The following SND1 variants were observed in gnomAD, a reference collection of about 807,000 sequenced individuals.
SND1 encodes staphylococcal nuclease domain-containing protein 1.
SND1 carries 38 observed loss-of-function variants against 121.7 expected under a neutral mutation model. That is an observed-to-expected ratio of 0.31 (90% CI 0.24 to 0.41). The LOEUF (loss-of-function observed/expected upper bound fraction) is 0.41. Among genes scored for constraint, SND1 ranks in the 10% least tolerant of loss-of-function variants. The probability of loss-of-function intolerance (pLI) is 1.00; values close to 1 mark genes in which losing one functional copy is unlikely to be tolerated. For missense variants in SND1, 868 were observed against 1,184.6 expected (o/e 0.73, Z 3.92); for synonymous variants, 401 against 447.4 (o/e 0.90, Z 1.31).
chr7:127,778,303 C>G (rs1797657239), intron 10 of SND1, among the ~76,000 whole-genome samples: 1 of 152,008 alleles, frequency 6.6e-6, no homozygotes, highest in Non-Finnish European at 1.5e-5. Context: ...CAAGCAATTC[C>G]CTGGCCTCAG....
At chr7:127,755,239 G>A (rs1215286609) in intron 10 of SND1, among the ~76,000 whole-genome samples, 1 of 152,214 alleles carries the variant, frequency 6.6e-6, no homozygotes, top group East Asian at 1.9e-4. Flanking sequence ...CCCAGGAGGA[G>A]AGTGACATCT....
intron 5 of SND1, among the ~76,000 whole-genome samples, chr7:127,702,218 CAG>C (rs2116340853): frequency 6.6e-6 from 1 of 152,298 alleles, no homozygotes; most frequent in East Asian, 1.9e-4. Context: ...GTTCAGAAGA[CAG>C]AGAAGCAGGT....
chr7:128,090,745 T>A (rs1252988248), intron 22 of SND1, among the ~76,000 whole-genome samples: 1 of 152,166 alleles, frequency 6.6e-6, no homozygotes, highest in African/African-American at 2.4e-5. Flanking sequence ...TCGGTGGCTG[T>A]GCAGGCTGAC....
intron 10 of SND1, among the ~76,000 whole-genome samples, chr7:127,770,311 A>T (rs1263073263): frequency 3.3e-5 from 5 of 152,270 alleles, no homozygotes; most frequent in African/African-American, 1.2e-4. Flanking sequence ...AATGTTTTGT[A>T]GAATAAAAGT....
chr7:127,737,546 G>A (rs892992844), intron 10 of SND1, among the ~76,000 whole-genome samples: 1 of 152,228 alleles, frequency 6.6e-6, no homozygotes, highest in Non-Finnish European at 1.5e-5. Context: ...TTGCACTCCA[G>A]CCTGGGCGAT....
At chr7:127,999,296 C>T (rs948491135) in intron 16 of SND1, 1 of 151,924 alleles carries the variant, frequency 6.6e-6, no homozygotes, top group Non-Finnish European at 1.5e-5. Context: ...TTCCCTTCCC[C>T]TAGGGAATGT....
intron 16 of SND1, among the ~76,000 whole-genome samples, chr7:128,033,472 G>A (rs1289532635): frequency 6.6e-6 from 1 of 152,130 alleles, no homozygotes; most frequent in Non-Finnish European, 1.5e-5. Context: ...ACCTGCGCGT[G>A]GGCTGTTGCT....
chr7:127,945,423 G>A (rs1004380632), intron 15 of SND1, among the ~76,000 whole-genome samples: 6 of 152,098 alleles, frequency 3.9e-5, no homozygotes, highest in East Asian at 1.9e-4. Context: ...CCCAGGAGGC[G>A]GAGCTTGCAG....
Position 127,652,272 on chromosome 7 carries a change from C to T in SND1, c.-102C>T. 1.0e-6 allele frequency: 1 copy of T among 983,628 alleles called. No homozygotes were observed. Among genetic ancestry groups the T allele is most frequent in the Non-Finnish European group, 1.6e-6 (1 of 629,672 alleles). The allele number at this position is 983,628 out of a possible 1,614,324, so 60.9% of individuals were successfully genotyped here. ...CCGTCCACCGTCCGCAGCTGGTAGC[C>T]AGCCTGCCCCTCGCCTCGACTCCCT... is the stretch of plus-strand genomic sequence containing the variant. On this transcript the variant is annotated 5_prime_UTR_variant, in exon 1 of 24. Coordinates refer to ENST00000354725, the MANE Select transcript of SND1 (RefSeq NM_014390.4).
At chr7:127,823,180 A>G (rs894384414) in intron 11 of SND1, among the ~76,000 whole-genome samples, 41 of 152,180 alleles carry the variant, frequency 2.7e-4, no homozygotes, top group Admixed American at 2.6e-3. Context: ...GTGAGTTCTT[A>G]AGAGGAAGAA....
At chr7:127,710,124 G>A (rs1363476393) in intron 9 of SND1, among the ~76,000 whole-genome samples, 6 of 151,802 alleles carry the variant, frequency 4.0e-5, no homozygotes, top group South Asian at 2.1e-4. Flanking sequence ...TGGATTTTGC[G>A]TTAATAAAAA....
rs568212619 is a variant in SND1 at position 127,841,634 on chromosome 7, T to G, written c.1243-2690T>G. ...TTAGCATCAAGACCACTTCTTCCCT[T>G]CCCTGGTTCTGAGTTACTCAGGCCT... is the stretch of plus-strand genomic sequence containing the variant. On this transcript the variant is annotated intron_variant, in intron 11 of 23. Coordinates refer to ENST00000354725, the MANE Select transcript of SND1 (RefSeq NM_014390.4). 7.2e-5 allele frequency among the ~76,000 whole-genome samples: 11 copies of G among 152,258 alleles called. No individual in the cohort carries two copies. In the South Asian group the frequency reaches 2.3e-3, roughly 32 times the overall value.
At chr7:127,888,133 A>G (rs1213872696) in intron 13 of SND1, 121 bp downstream of exon 13, 1 of 581,512 alleles carries the variant, frequency 1.7e-6, no homozygotes, top group Non-Finnish European at 3.0e-6. Flanking sequence ...AGCATGTATT[A>G]TTATTCTAGA....
At chr7:127,671,635 C>T (rs11976841) in intron 1 of SND1, among the ~76,000 whole-genome samples, 2 of 151,994 alleles carry the variant, frequency 1.3e-5, no homozygotes, top group Non-Finnish European at 2.9e-5. Flanking sequence ...CTCAGCCTCC[C>T]GAGTAGCTGA....
chr7:127,994,281 T>G (rs551419227), intron 16 of SND1, among the ~76,000 whole-genome samples: 1 of 152,292 alleles, frequency 6.6e-6, no homozygotes, highest in South Asian at 2.1e-4. Flanking sequence ...TCTTGACTTC[T>G]CTCCTGCCCT....
rs200201933 is a variant in SND1, at chr7:128,074,242, C to CTG, written c.1780-260_1780-259insTG. ...TCAGCTGCGCTCTCTCTCTCTCTCT[C>CTG]AGGTTAAGGAGAATCCCGTTTGCCC... On this transcript the variant is annotated intron_variant, in intron 16 of 23. Coordinates refer to ENST00000354725, the MANE Select transcript of SND1 (RefSeq NM_014390.4). 2.0e-3 allele frequency among the ~76,000 whole-genome samples: 306 copies of CTG among 152,284 alleles called. 4 individuals are homozygous for CTG. The highest frequency in any genetic ancestry group is 6.9e-3 in the African/African-American group (288 of 41,552).
chr7:128,067,491 C>T (rs1793335818), intron 16 of SND1, among the ~76,000 whole-genome samples: 2 of 152,152 alleles, frequency 1.3e-5, no homozygotes, highest in South Asian at 4.1e-4. Flanking sequence ...AACTTACAGC[C>T]AGCACCCCAC....
chr7:128,084,604 T>A, intron 18 of SND1, 120 bp from the exon 19 acceptor site: 2 of 1,079,886 alleles, frequency 1.9e-6, no homozygotes, highest in South Asian at 3.6e-5. Context: ...ACAGAGCCAG[T>A]GCTGCAGTGC....
chr7:128,048,707 C>T (rs1186636697), intron 16 of SND1, among the ~76,000 whole-genome samples: 2 of 151,856 alleles, frequency 1.3e-5, no homozygotes, highest in African/African-American at 2.4e-5. Context: ...TTTTGGAGGG[C>T]GAGACGGCAG....
Sources: allele counts gnomAD v4.1 joint callset (sites outside exome capture counted in the v4.1 genomes callset), GRCh38; gene constraint gnomAD v4.1.1; transcripts MANE v1.5; gene names NCBI Gene and HGNC (gene_info 2026-07-23, HGNC 2026-07-21).